The following ZNF384 variants were observed in gnomAD, a reference collection of about 807,000 sequenced individuals.
ZNF384 encodes the protein zinc finger protein 384, also known as CAG repeat protein 1.
In ZNF384, 20 loss-of-function variants were observed where a neutral mutation model predicts 65.0. That is an observed-to-expected ratio of 0.31 (90% confidence interval 0.22 to 0.45). ZNF384 has a LOEUF of 0.45. Among genes scored for constraint, ZNF384 ranks in the 20% least tolerant of loss-of-function variants. ZNF384 has a pLI of 1.00. For synonymous variants in ZNF384, 310 were observed against 303.9 expected (o/e 1.02, Z -0.21); for missense variants, 549 against 769.4 (o/e 0.71, Z 3.39).
chr12:6,676,947 A>G (rs1161296876), intron 7 of ZNF384, among the ~76,000 whole-genome samples: 1 of 152,252 alleles, frequency 6.6e-6, no homozygotes, highest in African/African-American at 2.4e-5. Flanking sequence ...TTTCATTTAT[A>G]AAGAGCGGTT....
In ZNF384 at chr12:6,667,653, T is replaced by C. The variant is rs775385985; in HGVS notation, c.*61A>G. 5.0e-5 allele frequency: 80 copies of C among 1,607,122 alleles called. No homozygotes were observed. The highest frequency in any genetic ancestry group is 6.3e-5 in the Non-Finnish European group (74 of 1,175,810). ...AGAAAAGGACTTTTCCCACCAAGAG[T>C]TGGAGAAAGAAGACACCAGGACTAC... On this transcript the variant is annotated 3_prime_UTR_variant, in exon 12 of 12. Transcript: ENST00000683879.
At chr12:6,671,721 A>G (rs1951568409) in intron 9 of ZNF384, 1 of 152,442 alleles carries the variant, frequency 6.6e-6, no homozygotes, top group African/African-American at 2.4e-5. Context: ...AAAGATCATC[A>G]CTTCTAGTTG....
chr12:6,687,447 A>G (rs751475164), intron 2 of ZNF384, among the ~76,000 whole-genome samples: 12 of 152,186 alleles, frequency 7.9e-5, no homozygotes, highest in Non-Finnish European at 1.3e-4. Context: ...TATGTACCCA[A>G]TATTTAATCA....
Position 6,678,792 on chromosome 12 carries a change from T to C in ZNF384, c.305-82A>G. 3.3e-6 allele frequency: 5 copies of C among 1,518,850 alleles called. No homozygotes were observed. Among genetic ancestry groups the C allele is most frequent in the South Asian group, 1.1e-5 (1 of 88,656 alleles). The allele number at this position is 1,518,850 out of a possible 1,614,324, so 94.1% of individuals were successfully genotyped here. A position where few individuals can be genotyped will look rare whatever the true frequency, so the allele number is the denominator to read the frequency against. On this transcript the variant is annotated intron_variant, in intron 4 of 11. Transcript: ENST00000683879. This position sits in a 1 kb window ranked among gnomAD's most constrained non-coding sequence, Gnocchi z 4.9. ...ACTTCTTTGTATCCCCCACAATGCCTAGCACATTGCTAGGCACACAGTAGG... is the reference window on the plus strand; with the variant it reads ...ACTTCTTTGTATCCCCCACAATGCCCAGCACATTGCTAGGCACACAGTAGG...
chr12:6,668,236 A>G (rs1950263978), intron 11 of ZNF384, 121 bp from the exon 12 acceptor site: 4 of 1,058,806 alleles, frequency 3.8e-6, no homozygotes, highest in Middle Eastern at 4.3e-4. Context: ...GGTTTTCTGG[A>G]GCCAAGACTG....
intron 2 of ZNF384, among the ~76,000 whole-genome samples, chr12:6,682,802 A>AACAT (rs1253116563): frequency 6.6e-6 from 1 of 152,214 alleles, no homozygotes; most frequent in African/African-American, 2.4e-5. Flanking sequence ...AAATATCCCC[A>AACAT]ACATACGACT....
Position 6,678,989 on chromosome 12 carries a change from A to G in ZNF384, c.261T>C (p.Asn87=), listed in dbSNP as rs200728288. The change falls in exon 4 of 12, where the codon AAT becomes AAC. Residue 87 remains asparagine, a synonymous_variant. Transcript: ENST00000683879. This position sits in a 1 kb window ranked among gnomAD's most constrained non-coding sequence, Gnocchi z 4.9. The stretch of plus-strand genomic sequence containing the variant: ...TAGACGGCACAGGGACCACCGTGAT[A>G]TTCTGGGTAACGGACGCTTGGCTGT... ...TPHSQASVTQ[N]ITVVPVPSTG... 11 of 1,614,058 alleles carry G rather than the reference A, an allele frequency of 6.8e-6. No individual in the cohort carries two copies. The African/African-American group carries it at 1.5e-4, about 22-fold the overall frequency.
chr12:6,671,058 G>C (rs980189712), intron 9 of ZNF384, among the ~76,000 whole-genome samples: 1 of 152,158 alleles, frequency 6.6e-6, no homozygotes, highest in Non-Finnish European at 1.5e-5. Flanking sequence ...CTCTCTGCTG[G>C]GGGAGGAGAG....
intron 10 of ZNF384, among the ~76,000 whole-genome samples, chr12:6,669,971 G>T (rs976938845): frequency 4.6e-5 from 7 of 151,888 alleles, no homozygotes; most frequent in Admixed American, 4.6e-4. Flanking sequence ...CAAACACAAA[G>T]ATGAAAAACC....
rs1952140286 is a variant in ZNF384, at chr12:6,673,125, A to G, written c.1004+91T>C. ...ACCAATGGGCAAAGGTGAAAGGGAA[A>G]GAATAATACATGTGGAGAGAGGAGT... On this transcript the variant is annotated intron_variant, in intron 8 of 11. Transcript: ENST00000683879. This position sits in a 1 kb window ranked among gnomAD's most constrained non-coding sequence, Gnocchi z 4.7. 8.4e-7 allele frequency: 1 copy of G among 1,195,292 alleles called. No individual in the cohort carries two copies. The highest frequency in any genetic ancestry group is 1.5e-5 in the African/African-American group (1 of 65,714). The allele number at this position is 1,195,292 out of a possible 1,614,324, so 74.0% of individuals were successfully genotyped here. A position where few individuals can be genotyped will look rare whatever the true frequency, so the allele number is the denominator to read the frequency against.
intron 11 of ZNF384, 38 bp downstream of exon 11, chr12:6,668,990 TAGA>T (rs1950525138): frequency 6.4e-7 from 1 of 1,567,890 alleles, no homozygotes; most frequent in Non-Finnish European, 8.7e-7. Flanking sequence ...ACTGTACTCT[TAGA>T]GGACTATGAG....
chr12:6,686,994 C>T (rs561462483), intron 2 of ZNF384, among the ~76,000 whole-genome samples: 2 of 152,176 alleles, frequency 1.3e-5, no homozygotes, highest in Admixed American at 1.3e-4. Context: ...TTCCAAAACA[C>T]ACAACTGCAG....
Position 6,678,141 on chromosome 12 carries a change from G to A in ZNF384, c.672C>T (p.Asp224=), listed in dbSNP as rs369571021. ...CTGAGTCTTACCTGTAGGTCTTGCC[G>A]TCTTTCTGATGGTCATCATCATCCT... The part of the protein sequence containing the change: ...SPEDDDDHQK[D]GKTYRSEGNC... Residue 224 remains aspartate, a synonymous_variant, in exon 6 of 12, where the codon GAC becomes GAT. Coordinates refer to ENST00000683879, the MANE Select transcript of ZNF384 (RefSeq NM_001385745.1). This position sits in a 1 kb window ranked among gnomAD's most constrained non-coding sequence, Gnocchi z 4.9. 46 of 1,611,648 alleles carry A rather than the reference G, an allele frequency of 2.9e-5. No homozygotes were observed. The Admixed American group carries it at 3.3e-4, about 12-fold the overall frequency.
At chr12:6,677,982 G>T in intron 6 of ZNF384, 145 bp downstream of exon 6, 1 of 734,282 alleles carries the variant, frequency 1.4e-6, no homozygotes. Flanking sequence ...CCTATCCTAT[G>T]ATGGGACACC....
Position 6,673,456 on chromosome 12 carries a change from G to A in ZNF384, c.780-16C>T, listed in dbSNP as rs748722515. 39 of 1,611,154 alleles carry A rather than the reference G, an allele frequency of 2.4e-5. No individual in the cohort carries two copies. In the South Asian group the frequency reaches 3.9e-4, roughly 16 times the overall value. On this transcript the variant is annotated splice_polypyrimidine_tract_variant and intron_variant, in intron 7 of 11. Coordinates refer to ENST00000683879, the MANE Select transcript of ZNF384 (RefSeq NM_001385745.1). This position sits in a 1 kb window ranked among gnomAD's most constrained non-coding sequence, Gnocchi z 4.7. ...CATCCGGCACCTGAGCCAAGTGAGGGCAATGGTTAGAACCCTTCCCATCAA... is the reference window on the plus strand; with the variant it reads ...CATCCGGCACCTGAGCCAAGTGAGGACAATGGTTAGAACCCTTCCCATCAA...
intron 2 of ZNF384, among the ~76,000 whole-genome samples, chr12:6,679,791 C>T (rs1204847803): frequency 6.6e-6 from 1 of 152,116 alleles, no homozygotes; most frequent in African/African-American, 2.4e-5. Flanking sequence ...TTATTCATGC[C>T]CCCTAAAGAA....
intron 2 of ZNF384, 87 bp from the exon 3 acceptor site, chr12:6,679,612 G>A: frequency 9.9e-7 from 1 of 1,008,728 alleles, no homozygotes. Context: ...AGAGTTCCTG[G>A]TCTCCTCTGG....
In ZNF384 at chr12:6,667,895, G is replaced by GGTGGCT. The variant is rs770613057; in HGVS notation, c.1640_1645dup (p.Gln547_Pro548dup). On this transcript the variant is annotated inframe_insertion, in exon 12 of 12. Transcript: ENST00000683879. ...TGCCCCAGGAGACTGGAAGTGTGGT[G>GGTGGCT]GTGGCTGTTGCTGCTGCTGCTGCTG... 24 of 1,606,178 alleles carry GGTGGCT rather than the reference G, an allele frequency of 1.5e-5. No homozygotes were observed. The East Asian group carries it at 5.2e-4, about 35-fold the overall frequency.
intron 7 of ZNF384, among the ~76,000 whole-genome samples, chr12:6,674,672 C>T (rs1177657620): frequency 6.6e-6 from 1 of 152,188 alleles, no homozygotes; most frequent in African/African-American, 2.4e-5. Context: ...AAGGACACAA[C>T]CAGTGGGAAT....
Sources: gnomAD v4.1 joint callset for allele counts (sites outside exome capture counted in the v4.1 genomes callset) on GRCh38, gnomAD v4.1.1 for gene constraint, Gnocchi (gnomAD v3.1) non-coding constraint, MANE v1.5 for transcripts, NCBI Gene and HGNC (gene_info 2026-07-23, HGNC 2026-07-21) for gene names.